Variants in SENP6 observed in about 807,000 individuals in gnomAD.
The protein encoded by SENP6 is SUMO specific peptidase 6.
A neutral mutation model predicts 134.5 loss-of-function variants in SENP6; 41 were observed. The ratio of observed to expected loss-of-function variants is 0.30; its 90% CI spans 0.24 to 0.40. SENP6 has a LOEUF of 0.40. Among genes scored for constraint, SENP6 ranks in the 10% least tolerant of loss-of-function variants. SENP6 has a pLI of 1.00. For missense variants in SENP6, 1,248 were observed against 1,312.5 expected, an observed-to-expected ratio of 0.95 and a Z score of 0.76; for synonymous variants, 395 against 429.8, an observed-to-expected ratio of 0.92 and a Z score of 1.00.
chr6:75,650,087 C>T (rs959967449), intron 7 of SENP6, among the ~76,000 whole-genome samples: 3 of 152,086 alleles, frequency 2.0e-5, no homozygotes, highest in Non-Finnish European at 2.9e-5. Context: ...GTTTCCTTAA[C>T]GATTTTGAAG....
intron 16 of SENP6, among the ~76,000 whole-genome samples, chr6:75,681,954 T>C (rs1308181152): frequency 3.3e-5 from 5 of 152,088 alleles, no homozygotes; most frequent in African/African-American, 1.2e-4. Context: ...CTTCAGGGGC[T>C]GGGCTCAATA....
At chr6:75,693,592 C>T (rs543151125) in intron 16 of SENP6, among the ~76,000 whole-genome samples, 2 of 152,208 alleles carry the variant, frequency 1.3e-5, no homozygotes, top group South Asian at 2.1e-4. Flanking sequence ...GACTCACTGT[C>T]TTGTATTATC....
At chr6:75,647,654 G>C in intron 6 of SENP6, 77 bp from the exon 7 acceptor site, 1 of 930,902 alleles carries the variant, frequency 1.1e-6, no homozygotes, top group Non-Finnish European at 1.7e-6. Context: ...TAGGCTTATT[G>C]TAAGTATGCC....
In SENP6 at chr6:75,670,639, A is replaced by G. The variant is rs201561791; in HGVS notation, c.1311A>G (p.Gln437=). The part of the protein sequence containing the change: ...EPPDALALSC[Q]SSFDSVILNC... ...CAGATGCTTTAGCTTTAAGCTGCCAAAGTTCCTTTGACAGTGTCATTTTAA... is the reference window on the plus strand; with the variant it reads ...CAGATGCTTTAGCTTTAAGCTGCCAGAGTTCCTTTGACAGTGTCATTTTAA... The change falls in exon 11 of 24, where the codon CAA becomes CAG. Residue 437 remains glutamine, a synonymous_variant. Coordinates refer to ENST00000447266, the MANE Select transcript of SENP6 (RefSeq NM_015571.4). 10 of 1,613,692 alleles carry G rather than the reference A, an allele frequency of 6.2e-6. No homozygotes were observed. The African/African-American group carries it at 1.2e-4, about 19-fold the overall frequency.
chr6:75,698,505 T>G (rs1774802924), intron 18 of SENP6, among the ~76,000 whole-genome samples: 1 of 152,122 alleles, frequency 6.6e-6, no homozygotes, highest in South Asian at 2.1e-4. Flanking sequence ...ATTTTTTTTT[T>G]TTAACTTTTG....
chr6:75,711,225 G>T, intron 20 of SENP6, 103 bp from the exon 21 acceptor site: 1 of 715,844 alleles, frequency 1.4e-6, no homozygotes, highest in South Asian at 2.3e-5. Flanking sequence ...AAAAAGTTTT[G>T]ACAATCATTA....
At chr6:75,635,492 A>G (rs928445260) in intron 5 of SENP6, among the ~76,000 whole-genome samples, 1 of 152,174 alleles carries the variant, frequency 6.6e-6, no homozygotes, top group East Asian at 1.9e-4. Flanking sequence ...AAAATGTAAT[A>G]TCTAGACTGC....
intron 5 of SENP6, among the ~76,000 whole-genome samples, chr6:75,637,007 A>G (rs1318170250): frequency 6.6e-6 from 1 of 151,774 alleles, no homozygotes; most frequent in Non-Finnish European, 1.5e-5. Flanking sequence ...CAGCCTCCTG[A>G]GTAACTAGGA....
intron 16 of SENP6, among the ~76,000 whole-genome samples, chr6:75,684,142 T>G (rs1348108634): frequency 6.6e-6 from 1 of 152,202 alleles, no homozygotes. Context: ...CCTAGGTATT[T>G]TATTCTCTTT....
At chr6:75,651,959 T>G (rs572707430) in intron 7 of SENP6, among the ~76,000 whole-genome samples, 10 of 152,134 alleles carry the variant, frequency 6.6e-5, no homozygotes, top group African/African-American at 2.2e-4. Context: ...GAGGATCGCT[T>G]GAGCCCAGGA....
chr6:75,637,046 A>G (rs1242633546), intron 5 of SENP6, among the ~76,000 whole-genome samples: 1 of 151,966 alleles, frequency 6.6e-6, no homozygotes, highest in Non-Finnish European at 1.5e-5. Context: ...GCACCAGGCT[A>G]ACTTTAAAAA....
At chr6:75,677,402 C>A in intron 14 of SENP6, 146 bp downstream of exon 14, 1 of 658,902 alleles carries the variant, frequency 1.5e-6, no homozygotes, top group Non-Finnish European at 2.4e-6. Context: ...GATTTGTAAA[C>A]TACCTTGTGT....
At chr6:75,638,614 ATATATATATTTTT>A (rs1373942280) in intron 5 of SENP6, among the ~76,000 whole-genome samples, 13 of 35,860 alleles carry the variant, frequency 3.6e-4, no homozygotes, top group East Asian at 1.1e-3. Context: ...ATATATATAT[ATATATATATTTTT>A]TTTTTTTTTT....
At chr6:75,666,612 C>A in intron 9 of SENP6, 100 bp from the exon 10 acceptor site, 1 of 526,286 alleles carries the variant, frequency 1.9e-6, no homozygotes, top group Non-Finnish European at 2.7e-6. Context: ...AGGATATTTT[C>A]CACTTTGGTA....
At chr6:75,686,961 A>C (rs1773885878) in intron 16 of SENP6, among the ~76,000 whole-genome samples, 1 of 152,318 alleles carries the variant, frequency 6.6e-6, no homozygotes, top group Admixed American at 6.5e-5. Flanking sequence ...AGGCTGGGGA[A>C]GTTCTCCTGG....
intron 10 of SENP6, among the ~76,000 whole-genome samples, chr6:75,667,650 CT>C (rs1175541152): frequency 6.6e-6 from 1 of 152,144 alleles, no homozygotes; most frequent in Non-Finnish European, 1.5e-5. Context: ...TTACTATGAT[CT>C]TTTGGGAAAG....
intron 16 of SENP6, among the ~76,000 whole-genome samples, chr6:75,687,102 CT>C (rs1290723774): frequency 1.1e-4 from 17 of 151,972 alleles, no homozygotes; most frequent in East Asian, 1.9e-4. Flanking sequence ...TTTCTTTTTA[CT>C]TTTTTTTCTC....
Position 75,659,393 on chromosome 6 carries a change from T to A in SENP6, c.682T>A (p.Leu228Ile). ...TCTATCTCCTGCTTCAAAAAAATGT[T>A]TAACCCATTTAGAGGTAAGTAGAGA... ...PPLSPASKKC[L>I]THLEDLQRNC... The change falls in exon 8 of 24, where the codon TTA (leucine) becomes ATA (isoleucine). Residue 228 changes from leucine (L) to isoleucine (I), a missense_variant. Around this residue, in one of 3 missense-constraint regions of SENP6, gnomAD observed 733 missense variants for 725.4 expected, o/e 1.01. Transcript: ENST00000447266. 1 of 1,608,652 alleles carries A rather than the reference T, an allele frequency of 6.2e-7. No homozygotes were observed. The highest frequency in any genetic ancestry group is 1.1e-5 in the South Asian group (1 of 90,364).
chr6:75,607,986 A>G (rs1767153087), intron 1 of SENP6, among the ~76,000 whole-genome samples: 1 of 152,050 alleles, frequency 6.6e-6, no homozygotes, highest in Admixed American at 6.6e-5. Flanking sequence ...AGGGGAATAC[A>G]CCTCTTTTTC....
Sources: gnomAD v4.1 joint callset for allele counts (sites outside exome capture counted in the v4.1 genomes callset) on GRCh38, gnomAD v4.1.1 for gene constraint, gnomAD v4.1.1 regional missense constraint, MANE v1.5 for transcripts, NCBI Gene and HGNC (gene_info 2026-07-23, HGNC 2026-07-21) for gene names.